Variants in BANK1 observed in about 807,000 individuals in gnomAD.
The protein encoded by BANK1 is B-cell scaffold protein with ankyrin repeats.
Under a neutral mutation model 94.5 loss-of-function variants are expected in BANK1, and 95 were observed. That is an observed-to-expected ratio of 1.00 (90% CI 0.85 to 1.19). BANK1 has a LOEUF of 1.19. Among genes scored for constraint, BANK1 ranks in the 50% most tolerant of loss-of-function variants. The probability of loss-of-function intolerance (pLI) is 0.00; values close to 1 mark genes in which losing one functional copy is unlikely to be tolerated. For synonymous variants in BANK1, 334 were observed against 308.4 expected, an observed-to-expected ratio of 1.08 and a Z score of -0.87; for missense variants, 987 against 932.2, an observed-to-expected ratio of 1.06 and a Z score of -0.77.
At chr4:101,825,640 T>C (rs1245521393) in intron 1 of BANK1, among the ~76,000 whole-genome samples, 2 of 151,934 alleles carry the variant, frequency 1.3e-5, no homozygotes, top group Non-Finnish European at 2.9e-5. Flanking sequence ...TTGGTGAGGA[T>C]TAAATGAGGT....
intron 7 of BANK1, among the ~76,000 whole-genome samples, chr4:101,956,744 A>AT (rs1392521126): frequency 6.6e-6 from 1 of 152,172 alleles, no homozygotes; most frequent in African/African-American, 2.4e-5. Context: ...GAATAAAAAA[A>AT]ATGCTCCCTT....
At chr4:101,925,363 C>T (rs1329262672) in intron 7 of BANK1, among the ~76,000 whole-genome samples, 1 of 151,596 alleles carries the variant, frequency 6.6e-6, no homozygotes, top group African/African-American at 2.4e-5. Flanking sequence ...GCCATAGCTG[C>T]TATGAATGCA....
chr4:101,965,766 T>C (rs372373852), intron 7 of BANK1, among the ~76,000 whole-genome samples: 152 of 152,102 alleles, frequency 1.0e-3, no homozygotes, highest in African/African-American at 3.5e-3. Context: ...TACCACTGAG[T>C]TTTCTGTTTG....
chr4:101,841,387 A>G (rs1578349681), intron 2 of BANK1, among the ~76,000 whole-genome samples: 1 of 152,260 alleles, frequency 6.6e-6, no homozygotes, highest in African/African-American at 2.4e-5. Context: ...CAAGGCATAA[A>G]TTATAAGTAT....
At position 101,790,936 on chromosome 4, in the gene BANK1, G is replaced by A; in HGVS notation, c.56G>A (p.Gly19Asp). ...GLGSPDPAPC[G>D]PAPPGNTKDI... ...GGGAGCCCGGACCCCGCCCCCTGCGGCCCAGCGCCCCCAGGTGGGTAGTCG... is the reference window on the plus strand; with the variant it reads ...GGGAGCCCGGACCCCGCCCCCTGCGACCCAGCGCCCCCAGGTGGGTAGTCG... The change falls in exon 1 of 17, where the codon GGC (glycine) becomes GAC (aspartate). Residue 19 changes from glycine (G) to aspartate (D), a missense_variant. Coordinates refer to ENST00000322953, the MANE Select transcript of BANK1 (RefSeq NM_017935.5). The A allele has an allele frequency of 2.0e-6, 3 of 1,525,982 alleles. No individual in the cohort carries two copies. The South Asian group carries it at 3.6e-5, about 19-fold the overall frequency. The allele number at this position is 1,525,982 out of a possible 1,614,324, so 94.5% of individuals were successfully genotyped here. A position where few individuals can be genotyped will look rare whatever the true frequency, so the allele number is the denominator to read the frequency against.
intron 3 of BANK1, among the ~76,000 whole-genome samples, chr4:101,856,454 C>G (rs1449419695): frequency 6.6e-6 from 1 of 151,924 alleles, no homozygotes; most frequent in Non-Finnish European, 1.5e-5. Context: ...ATGGAAAAGA[C>G]AGAAAATAAG....
In BANK1 at chr4:101,801,154, T is replaced by C. The variant is rs561764453; in HGVS notation, c.70+10204T>C. Among the ~76,000 whole-genome samples the C allele has an allele frequency of 2.6e-5, 4 of 152,288 alleles. No individual in the cohort carries two copies. The South Asian group carries it at 8.3e-4, about 32-fold the overall frequency. ...GTGGCTGTTGAGGACTTAAAATATG[T>C]CTGGTTCAAATTGTGATGTGCTGTA... On this transcript the variant is annotated intron_variant, in intron 1 of 16. Coordinates refer to ENST00000322953, the MANE Select transcript of BANK1 (RefSeq NM_017935.5).
chr4:101,966,067 T>C (rs1724745075), intron 7 of BANK1, among the ~76,000 whole-genome samples: 1 of 152,128 alleles, frequency 6.6e-6, no homozygotes, highest in South Asian at 2.1e-4. Flanking sequence ...CTGTTCTTAC[T>C]CATTTGTTCT....
At chr4:101,879,430 T>A (rs1345789305) in intron 5 of BANK1, among the ~76,000 whole-genome samples, 1 of 151,904 alleles carries the variant, frequency 6.6e-6, no homozygotes, top group Non-Finnish European at 1.5e-5. Flanking sequence ...AACAGACCAA[T>A]AACAAGTAAC....
intron 5 of BANK1, among the ~76,000 whole-genome samples, chr4:101,879,262 A>G (rs1214182382): frequency 1.3e-5 from 2 of 152,188 alleles, no homozygotes; most frequent in East Asian, 3.9e-4. Flanking sequence ...CAGAGGTGAA[A>G]AATGAGACAT....
At chr4:102,029,386 A>G (rs1435772411) in intron 9 of BANK1, among the ~76,000 whole-genome samples, 2 of 151,294 alleles carry the variant, frequency 1.3e-5, no homozygotes, top group African/African-American at 4.9e-5. Flanking sequence ...AACATGAAAC[A>G]ACTTCAAATG....
intron 10 of BANK1, among the ~76,000 whole-genome samples, chr4:102,039,650 G>A (rs1727642721): frequency 6.6e-6 from 1 of 151,948 alleles, no homozygotes; most frequent in Admixed American, 6.6e-5. Context: ...AGCAGTAATG[G>A]CACATTTGAC....
At chr4:102,000,044 G>A (rs1466470305) in intron 7 of BANK1, among the ~76,000 whole-genome samples, 2 of 152,118 alleles carry the variant, frequency 1.3e-5, no homozygotes, top group African/African-American at 2.4e-5. Context: ...AGATACCCGG[G>A]TGCAGTGGCT....
chr4:101,841,236 A>G (rs529960582), intron 2 of BANK1, among the ~76,000 whole-genome samples: 1 of 152,332 alleles, frequency 6.6e-6, no homozygotes, highest in Admixed American at 6.5e-5. Flanking sequence ...AGAAGCAGGA[A>G]GAAAATGTCA....
intron 5 of BANK1, among the ~76,000 whole-genome samples, chr4:101,883,003 A>C (rs764502031): frequency 6.6e-6 from 1 of 152,164 alleles, no homozygotes. Context: ...AATAAAATGC[A>C]ATTTGGTGAT....
chr4:101,860,348 T>G (rs1300599702), intron 3 of BANK1, among the ~76,000 whole-genome samples: 1 of 152,118 alleles, frequency 6.6e-6, no homozygotes, highest in East Asian at 1.9e-4. Flanking sequence ...GTGCCTCATT[T>G]GGGGTGGTCA....
chr4:102,073,075 G>A (rs920054152), intron 15 of BANK1, among the ~76,000 whole-genome samples: 1 of 151,928 alleles, frequency 6.6e-6, no homozygotes, highest in South Asian at 2.1e-4. Context: ...TATAATGAAC[G>A]AATTTTAATT....
At chr4:102,014,859 C>T (rs546310778) in intron 7 of BANK1, among the ~76,000 whole-genome samples, 1 of 152,206 alleles carries the variant, frequency 6.6e-6, no homozygotes, top group African/African-American at 2.4e-5. Flanking sequence ...CAGAAATTCA[C>T]TCTTAATATC....
intron 3 of BANK1, among the ~76,000 whole-genome samples, chr4:101,856,138 A>C (rs1727672291): frequency 6.6e-6 from 1 of 152,144 alleles, no homozygotes; most frequent in South Asian, 2.1e-4. Flanking sequence ...TACTGGTACC[A>C]GTGGTCCTGA....
Sources: gnomAD v4.1 joint callset for allele counts (sites outside exome capture counted in the v4.1 genomes callset) on GRCh38, gnomAD v4.1.1 for gene constraint, MANE v1.5 for transcripts, NCBI Gene and HGNC (gene_info 2026-07-23, HGNC 2026-07-21) for gene names.